GRB14: variants seen among roughly 807,000 people sequenced by gnomAD.
GRB14 encodes the protein growth factor receptor-bound protein 14.
GRB14 carries 38 observed loss-of-function variants against 69.1 expected under a neutral mutation model. The observed-to-expected ratio is 0.55, with a 90% CI of 0.42 to 0.72. GRB14 has a LOEUF of 0.72. GRB14 is among the 30% of genes least tolerant of loss of function. GRB14 has a pLI of 0.00. For missense variants in GRB14, 666 were observed against 666.1 expected (o/e 1.00, Z 0.00); for synonymous variants, 247 against 241.3 (o/e 1.02, Z -0.22).
chr2:164,554,252 C>T (rs934035156), intron 2 of GRB14, among the ~76,000 whole-genome samples: 1 of 151,964 alleles, frequency 6.6e-6, no homozygotes, highest in Admixed American at 6.6e-5. Flanking sequence ...TATAATCATG[C>T]TATTTAATAA....
intron 13 of GRB14, among the ~76,000 whole-genome samples, chr2:164,493,438 A>G (rs893992486): frequency 6.6e-6 from 1 of 152,160 alleles, no homozygotes; most frequent in African/African-American, 2.4e-5. Flanking sequence ...GTTAGTAAAG[A>G]CAGTATGAAT....
chr2:164,537,173 C>G (rs889809482), intron 3 of GRB14, among the ~76,000 whole-genome samples: 7 of 152,184 alleles, frequency 4.6e-5, no homozygotes, highest in Admixed American at 4.6e-4. Context: ...CTGCTTTTCT[C>G]TCTCCACTCT....
At chr2:164,597,144 G>A (rs975919315) in intron 2 of GRB14, among the ~76,000 whole-genome samples, 5 of 152,040 alleles carry the variant, frequency 3.3e-5, no homozygotes, top group East Asian at 3.9e-4. Context: ...AGTGAAACAC[G>A]ATCAGTAAAA....
At chr2:164,496,864 T>A in intron 12 of GRB14, 144 bp downstream of exon 12, 1 of 651,894 alleles carries the variant, frequency 1.5e-6, no homozygotes. Context: ...TAGAATACAG[T>A]GATGACCTCA....
intron 2 of GRB14, among the ~76,000 whole-genome samples, chr2:164,582,677 C>T (rs1689443926): frequency 6.6e-6 from 1 of 152,132 alleles, no homozygotes; most frequent in Non-Finnish European, 1.5e-5. Context: ...CCTCGGCCTC[C>T]CAAAGTGCTG....
chr2:164,537,667 T>TTC (rs1195252948), intron 3 of GRB14, among the ~76,000 whole-genome samples: 1 of 152,174 alleles, frequency 6.6e-6, no homozygotes, highest in African/African-American at 2.4e-5. Flanking sequence ...CCTGAATTCA[T>TTC]GTAGCCGAGG....
chr2:164,520,812 C>T (rs1687616145), intron 6 of GRB14, among the ~76,000 whole-genome samples: 1 of 152,044 alleles, frequency 6.6e-6, no homozygotes, highest in Non-Finnish European at 1.5e-5. Flanking sequence ...CAATGTGATG[C>T]CACCTTACTC....
At chr2:164,506,803 G>A (rs1687201840) in intron 8 of GRB14, among the ~76,000 whole-genome samples, 1 of 152,052 alleles carries the variant, frequency 6.6e-6, no homozygotes, top group Non-Finnish European at 1.5e-5. Context: ...GCCATAAAAA[G>A]GAATAAAGAG....
At chr2:164,602,146 A>G (rs1689929116) in intron 2 of GRB14, among the ~76,000 whole-genome samples, 1 of 148,248 alleles carries the variant, frequency 6.7e-6, no homozygotes, top group Non-Finnish European at 1.5e-5. Context: ...AAAAAAAAAA[A>G]GGAAAGGAGG....
At chr2:164,558,845 C>T (rs1295014935) in intron 2 of GRB14, among the ~76,000 whole-genome samples, 2 of 152,094 alleles carry the variant, frequency 1.3e-5, no homozygotes, top group East Asian at 1.9e-4. Context: ...AGAGGGAAAA[C>T]GTGAGGTGGA....
chr2:164,499,675 G>C (rs1686999936), intron 9 of GRB14, among the ~76,000 whole-genome samples: 1 of 151,916 alleles, frequency 6.6e-6, no homozygotes, highest in Non-Finnish European at 1.5e-5. Flanking sequence ...AATAGGTCTG[G>C]GTATACCCTG....
At chr2:164,496,643 T>C (rs926687125) in intron 12 of GRB14, among the ~76,000 whole-genome samples, 1 of 152,154 alleles carries the variant, frequency 6.6e-6, no homozygotes, top group South Asian at 2.1e-4. Flanking sequence ...ATATAAACCA[T>C]ACTTCGAAAT....
chr2:164,579,193 A>G (rs1327967061), intron 2 of GRB14, among the ~76,000 whole-genome samples: 2 of 152,198 alleles, frequency 1.3e-5, no homozygotes, highest in African/African-American at 4.8e-5. Flanking sequence ...TAAAGATTTA[A>G]ACCAGTTTCA....
At chr2:164,600,041 C>T (rs1473455864) in intron 2 of GRB14, among the ~76,000 whole-genome samples, 1 of 152,142 alleles carries the variant, frequency 6.6e-6, no homozygotes, top group Non-Finnish European at 1.5e-5. Flanking sequence ...CTTTAATAGT[C>T]TAAATTAAAT....
chr2:164,516,359 G>T (rs1687485817), intron 6 of GRB14, among the ~76,000 whole-genome samples: 2 of 152,052 alleles, frequency 1.3e-5, no homozygotes, highest in South Asian at 4.1e-4. Context: ...ATGGTGGCGT[G>T]CGCCTGTAAT....
intron 3 of GRB14, among the ~76,000 whole-genome samples, chr2:164,545,336 A>G (rs1326186651): frequency 6.6e-6 from 1 of 152,200 alleles, no homozygotes; most frequent in Non-Finnish European, 1.5e-5. Context: ...TTTTGCAGAC[A>G]GTATTAAATT....
intron 6 of GRB14, among the ~76,000 whole-genome samples, 192 bp downstream of exon 6, chr2:164,521,788 T>C (rs774147445): frequency 6.6e-6 from 1 of 152,148 alleles, no homozygotes; most frequent in African/African-American, 2.4e-5. Flanking sequence ...CCATCAAAGA[T>C]ACTACACTTT....
chr2:164,573,694 T>G, intron 2 of GRB14: 1 of 1,600,046 alleles, frequency 6.2e-7, no homozygotes, highest in East Asian at 2.2e-5. Flanking sequence ...GTTGCCCAGT[T>G]AGGAGCCTCT....
rs769740119 is a variant in GRB14, at chr2:164,508,838, C to A, written c.831G>T (p.Leu277Phe). Residue 277 changes from leucine (L) to phenylalanine (F), a missense_variant, in exon 7 of 14, where the codon TTG (leucine) becomes TTT (phenylalanine). Physicochemically the swap from Leu to Phe is conservative, Grantham distance 22 (BLOSUM62 0). Coordinates refer to ENST00000263915, the MANE Select transcript of GRB14 (RefSeq NM_004490.3). The stretch of plus-strand genomic sequence containing the variant: ...TATTGCCAAATTCGCTGAAAAACTG[C>A]AAATGCCGCGGTTCCTTAAAAAAAA... Reference protein sequence around the residue: ...TKGTSKEPRHLQFFSEFGNSD... With the variant: ...TKGTSKEPRHFQFFSEFGNSD... 1 of 1,574,080 alleles carries A rather than the reference C, an allele frequency of 6.4e-7. No homozygotes were observed. The highest frequency in any genetic ancestry group is 2.3e-5 in the East Asian group (1 of 44,444).
Sources: allele counts gnomAD v4.1 joint callset (sites outside exome capture counted in the v4.1 genomes callset), GRCh38; gene constraint gnomAD v4.1.1; transcripts MANE v1.5; gene names NCBI Gene and HGNC (gene_info 2026-07-23, HGNC 2026-07-21).